Variants in DCC observed in about 807,000 individuals in gnomAD.
DCC encodes the protein netrin receptor DCC.
In DCC, 58 loss-of-function variants were observed where a neutral mutation model predicts 172.5. The ratio of observed to expected loss-of-function variants is 0.34; its 90% CI spans 0.27 to 0.42. DCC has a LOEUF of 0.42. Ranked by LOEUF, DCC falls within the 10% of genes least tolerant of loss-of-function variation. The probability of loss-of-function intolerance (pLI) is 1.00; values close to 1 mark genes in which losing one functional copy is unlikely to be tolerated. For synonymous variants in DCC, 709 were observed against 644.5 expected, an observed-to-expected ratio of 1.10 and a Z score of -1.52; for missense variants, 1,740 against 1,791.0, an observed-to-expected ratio of 0.97 and a Z score of 0.51.
intron 27 of DCC, among the ~76,000 whole-genome samples, chr18:53,511,028 C>G (rs2046245128): frequency 6.6e-6 from 1 of 152,154 alleles, no homozygotes; most frequent in African/African-American, 2.4e-5. Flanking sequence ...AGTCCTTTAT[C>G]TTCTTTGAAT....
chr18:52,849,172 G>T lies in DCC; in HGVS notation c.413-56872G>T, dbSNP rs116506791. Among the ~76,000 whole-genome samples the T allele has an allele frequency of 3.1e-3, 470 of 152,148 alleles. 2 individuals are homozygous for T. Among genetic ancestry groups the T allele is most frequent in the African/African-American group, 0.011 (450 of 41,522 alleles). The stretch of plus-strand genomic sequence containing the variant: ...TTGAAAATCATATAGTTGGGAAAAG[G>T]CTTTCTCAGGTTTTTCTAATTCCCA... On this transcript the variant is annotated intron_variant, in intron 2 of 28. Transcript: ENST00000442544.
At chr18:52,462,552 G>T (rs2144541946) in intron 1 of DCC, among the ~76,000 whole-genome samples, 1 of 152,080 alleles carries the variant, frequency 6.6e-6, no homozygotes, top group South Asian at 2.1e-4. Context: ...TTAGGTCTTT[G>T]CTCAACTGTC....
At chr18:53,237,250 C>T (rs1414553172) in intron 12 of DCC, 7 of 153,934 alleles carry the variant, frequency 4.5e-5, no homozygotes, top group Non-Finnish European at 8.8e-5. Context: ...GAACATTATG[C>T]TAAATATGTG....
At chr18:52,701,997 C>G (rs935380651) in intron 1 of DCC, among the ~76,000 whole-genome samples, 5 of 152,178 alleles carry the variant, frequency 3.3e-5, no homozygotes, top group Non-Finnish European at 5.9e-5. Flanking sequence ...CTATGCATCT[C>G]TTGTGAATCA....
intron 1 of DCC, among the ~76,000 whole-genome samples, chr18:52,605,646 G>C (rs192436709): frequency 1.2e-4 from 18 of 152,218 alleles, no homozygotes; most frequent in Middle Eastern, 3.4e-3. Context: ...TTCTGATTTA[G>C]ATACTCATTA....
At chr18:53,198,432 GCTCTCTCTCT>G (rs59665065) in intron 9 of DCC, among the ~76,000 whole-genome samples, 1 of 149,428 alleles carries the variant, frequency 6.7e-6, no homozygotes. Context: ...AAACTGAGCA[GCTCTCTCTCT>G]CTCTCTCTCT....
chr18:52,864,274 T>C (rs753325129), intron 2 of DCC, among the ~76,000 whole-genome samples: 3 of 152,132 alleles, frequency 2.0e-5, no homozygotes, highest in Non-Finnish European at 4.4e-5. Context: ...TTTGAAAGCA[T>C]AGAGAGATTT....
intron 5 of DCC, among the ~76,000 whole-genome samples, chr18:53,045,020 G>A (rs914032044): frequency 6.6e-6 from 1 of 151,734 alleles, no homozygotes; most frequent in South Asian, 2.1e-4. Flanking sequence ...AACAAACAAG[G>A]TAAATATGAA....
chr18:52,883,135 TG>T (rs2039511696), intron 2 of DCC, among the ~76,000 whole-genome samples: 1 of 152,028 alleles, frequency 6.6e-6, no homozygotes, highest in South Asian at 2.1e-4. Context: ...TTTCAGTCCA[TG>T]TGCATCTTTA....
chr18:52,530,315 A>C (rs2144682687), intron 1 of DCC, among the ~76,000 whole-genome samples: 1 of 152,328 alleles, frequency 6.6e-6, no homozygotes, highest in South Asian at 2.1e-4. Context: ...ACAGCAGTTA[A>C]GTGATTTGTT....
chr18:52,971,095 A>T (rs1598984737), intron 5 of DCC, among the ~76,000 whole-genome samples: 1 of 152,150 alleles, frequency 6.6e-6, no homozygotes, highest in East Asian at 1.9e-4. Context: ...AAACATTCTG[A>T]CTCTGAGACA....
intron 12 of DCC, among the ~76,000 whole-genome samples, chr18:53,223,183 G>C (rs544360778): frequency 6.6e-6 from 1 of 152,120 alleles, no homozygotes; most frequent in African/African-American, 2.4e-5. Flanking sequence ...ACATTTTCTA[G>C]ACTTTTCTCA....
chr18:52,529,383 C>T (rs1282621641), intron 1 of DCC, among the ~76,000 whole-genome samples: 2 of 152,116 alleles, frequency 1.3e-5, no homozygotes, highest in Non-Finnish European at 2.9e-5. Context: ...CTCCGCCTCC[C>T]GGGTTCACGC....
chr18:52,809,795 C>A (rs2038160358), intron 2 of DCC, among the ~76,000 whole-genome samples: 1 of 152,192 alleles, frequency 6.6e-6, no homozygotes, highest in Admixed American at 6.5e-5. Context: ...GGTTGCCACT[C>A]CCAACTCGAA....
chr18:53,363,484 T>C (rs574248757), intron 15 of DCC, among the ~76,000 whole-genome samples: 1 of 152,320 alleles, frequency 6.6e-6, no homozygotes, highest in African/African-American at 2.4e-5. Flanking sequence ...AATAAAGGTA[T>C]GCAAGGGACA....
Position 52,744,898 on chromosome 18 carries a change from C to G in DCC, c.92-7156C>G, listed in dbSNP as rs78869634. 2.0e-3 allele frequency among the ~76,000 whole-genome samples: 302 copies of G among 152,240 alleles called. 1 individual carries two copies. Among genetic ancestry groups the G allele is most frequent in the African/African-American group, 6.9e-3 (288 of 41,530 alleles). Reference sequence around the variant, plus strand: ...TGTGATAAAGAATACTGGATGAACCCAAACTTCTTTTGGAAGAGGCTTGTA... The same window carrying G: ...TGTGATAAAGAATACTGGATGAACCGAAACTTCTTTTGGAAGAGGCTTGTA... On this transcript the variant is annotated intron_variant, in intron 1 of 28. Transcript: ENST00000442544.
At chr18:52,818,441 T>G (rs2038343835) in intron 2 of DCC, among the ~76,000 whole-genome samples, 1 of 145,248 alleles carries the variant, frequency 6.9e-6, no homozygotes, top group Admixed American at 6.8e-5. Flanking sequence ...AAAAAAAAAT[T>G]TAAAAAGAAG....
intron 1 of DCC, among the ~76,000 whole-genome samples, chr18:52,436,884 A>C (rs1987813120): frequency 2.0e-5 from 3 of 152,154 alleles, no homozygotes; most frequent in Admixed American, 2.0e-4. Context: ...CATGCCACTG[A>C]ACTCCAGCCT....
At chr18:52,550,557 A>C (rs77963193) in intron 1 of DCC, among the ~76,000 whole-genome samples, 7,302 of 152,120 alleles carry the variant, frequency 0.048, 220 homozygotes, top group Non-Finnish European at 0.06. Flanking sequence ...TTTCTCTTAC[A>C]TGTATCAATA....
Sources: gnomAD v4.1 joint callset for allele counts (sites outside exome capture counted in the v4.1 genomes callset) on GRCh38, gnomAD v4.1.1 for gene constraint, MANE v1.5 for transcripts, NCBI Gene and HGNC (gene_info 2026-07-23, HGNC 2026-07-21) for gene names.